SEMA5B: variants seen among roughly 807,000 people sequenced by gnomAD.
SEMA5B encodes the protein semaphorin 5B, also known as semaphorin-5B.
A neutral mutation model predicts 135.0 loss-of-function variants in SEMA5B; 66 were observed. The observed-to-expected ratio is 0.49, with a 90% CI of 0.40 to 0.60. The LOEUF is 0.60. Among genes scored for constraint, SEMA5B ranks in the 20% least tolerant of loss-of-function variants. The probability of loss-of-function intolerance (pLI) is 0.00; values close to 1 mark genes in which losing one functional copy is unlikely to be tolerated. For synonymous variants in SEMA5B, 690 were observed against 639.5 expected (o/e 1.08, Z -1.19); for missense variants, 1,501 against 1,566.3 (o/e 0.96, Z 0.70).
intron 1 of SEMA5B, among the ~76,000 whole-genome samples, chr3:122,963,928 T>C (rs1940702439): frequency 6.6e-6 from 1 of 152,144 alleles, no homozygotes; most frequent in Admixed American, 6.5e-5. Context: ...TCTCTCACTG[T>C]AGCCAATACT....
intron 1 of SEMA5B, among the ~76,000 whole-genome samples, chr3:123,009,567 G>A (rs953219177): frequency 6.6e-6 from 1 of 152,126 alleles, no homozygotes; most frequent in Non-Finnish European, 1.5e-5. Flanking sequence ...GAGAAAAAAA[G>A]AGAAAGAAAA....
In SEMA5B at chr3:122,912,155, C is replaced by A; in HGVS notation, c.2896+17G>T. ...GCTCCATGTCGCTTCCCAGCCCTGG[C>A]GGGATGTGCCTCATACCTGGGCAGG... On this transcript the variant is annotated intron_variant, in intron 19 of 22. Coordinates refer to ENST00000357599, the MANE Select transcript of SEMA5B (RefSeq NM_001031702.4). The A allele has an allele frequency of 2.5e-6, 4 of 1,579,602 alleles. No individual in the cohort carries two copies. The highest frequency in any genetic ancestry group is 2.3e-5 in the East Asian group (1 of 44,280).
At chr3:122,936,153 AC>A (rs1939277094) in intron 5 of SEMA5B, among the ~76,000 whole-genome samples, 1 of 152,176 alleles carries the variant, frequency 6.6e-6, no homozygotes, top group African/African-American at 2.4e-5. Context: ...AATCTGGAAC[AC>A]AGAGTGCTTT....
At chr3:123,003,678 C>T (rs2107767050) in intron 1 of SEMA5B, among the ~76,000 whole-genome samples, 1 of 152,126 alleles carries the variant, frequency 6.6e-6, no homozygotes, top group East Asian at 1.9e-4. Context: ...ACTAAAAATA[C>T]AAAAAATTAG....
In SEMA5B at chr3:122,980,122, C is replaced by T. The variant is rs550577429; in HGVS notation, c.-38-18821G>A. On this transcript the variant is annotated intron_variant, in intron 1 of 22. Coordinates refer to ENST00000357599, the MANE Select transcript of SEMA5B (RefSeq NM_001031702.4). ...CCAATCTCTGACTCATGACACAAAA[C>T]CCCATCCCAGTCCCAGGATGATGTA... 7.9e-5 allele frequency among the ~76,000 whole-genome samples: 12 copies of T among 152,294 alleles called. No individual in the cohort carries two copies. In the South Asian group the frequency reaches 2.5e-3, roughly 32 times the overall value.
At chr3:122,986,909 C>G (rs763533037) in intron 1 of SEMA5B, among the ~76,000 whole-genome samples, 1 of 152,094 alleles carries the variant, frequency 6.6e-6, no homozygotes. Flanking sequence ...AGGGCCCGGC[C>G]GTGAGCTAGC....
At chr3:122,986,907 G>GC (rs886922421) in intron 1 of SEMA5B, among the ~76,000 whole-genome samples, 1 of 152,212 alleles carries the variant, frequency 6.6e-6, no homozygotes, top group African/African-American at 2.4e-5. Context: ...GGAGGGCCCG[G>GC]CCGTGAGCTA....
chr3:122,926,879 C>T (rs1938664214), intron 8 of SEMA5B, among the ~76,000 whole-genome samples: 1 of 152,188 alleles, frequency 6.6e-6, no homozygotes. Context: ...ACATGTGTTA[C>T]CGCCCACCTC....
chr3:122,954,075 G>A (rs550389990), intron 2 of SEMA5B, among the ~76,000 whole-genome samples: 1 of 152,352 alleles, frequency 6.6e-6, no homozygotes, highest in Non-Finnish European at 1.5e-5. Context: ...TTGTTTTTAT[G>A]AGACGGGATA....
intron 1 of SEMA5B, among the ~76,000 whole-genome samples, chr3:122,996,620 T>G (rs564588740): frequency 1.3e-5 from 2 of 152,372 alleles, no homozygotes; most frequent in South Asian, 4.1e-4. Flanking sequence ...TATTTTTCTC[T>G]TTTTGTCTTT....
At chr3:122,956,397 C>T (rs1178384316) in intron 2 of SEMA5B, among the ~76,000 whole-genome samples, 3 of 152,160 alleles carry the variant, frequency 2.0e-5, no homozygotes, top group Middle Eastern at 3.2e-3. Flanking sequence ...TTCTCCTGGG[C>T]TCATTTTCCC....
At chr3:123,020,222 C>T (rs766218107) in intron 1 of SEMA5B, among the ~76,000 whole-genome samples, 8 of 152,000 alleles carry the variant, frequency 5.3e-5, no homozygotes, top group Non-Finnish European at 1.0e-4. Context: ...TAAATTATGG[C>T]GCATCCGTAT....
Position 122,934,386 on chromosome 3 carries a change from T to C in SEMA5B, c.474+5039A>G, listed in dbSNP as rs114039253. On this transcript the variant is annotated intron_variant, in intron 5 of 22. Transcript: ENST00000357599. Reference sequence around the variant, plus strand: ...TGAAGTAATCTTGCCAGAATCTAAATTGAATGAAGTTTTTAGCTCTAACAA... The same window carrying C: ...TGAAGTAATCTTGCCAGAATCTAAACTGAATGAAGTTTTTAGCTCTAACAA... Among the ~76,000 whole-genome samples the C allele has an allele frequency of 3.9e-3, 596 of 152,248 alleles. 3 individuals carry two copies. The highest frequency in any genetic ancestry group is 0.014 in the African/African-American group (566 of 41,552).
chr3:123,017,201 T>A (rs887507217), intron 1 of SEMA5B, among the ~76,000 whole-genome samples: 7 of 152,088 alleles, frequency 4.6e-5, no homozygotes, highest in East Asian at 1.9e-4. Context: ...ATGCATTTTT[T>A]AAAAATATTT....
intron 1 of SEMA5B, among the ~76,000 whole-genome samples, chr3:123,008,709 C>T (rs113136369): frequency 1.3e-5 from 2 of 152,182 alleles, no homozygotes; most frequent in African/African-American, 4.8e-5. Context: ...CATAGACAAT[C>T]CAGGAGCCAG....
At chr3:122,989,393 G>A (rs1157833793) in intron 1 of SEMA5B, among the ~76,000 whole-genome samples, 1 of 152,206 alleles carries the variant, frequency 6.6e-6, no homozygotes, top group Non-Finnish European at 1.5e-5. Context: ...AGGCTGCAGA[G>A]GCAGTGTCCT....
At chr3:122,959,746 T>A (rs892835569) in intron 2 of SEMA5B, among the ~76,000 whole-genome samples, 1 of 152,148 alleles carries the variant, frequency 6.6e-6, no homozygotes, top group Non-Finnish European at 1.5e-5. Context: ...AGAGTAGTAG[T>A]GTGGCTTAAA....
At chr3:122,920,138 C>T (rs1179305238) in intron 12 of SEMA5B, among the ~76,000 whole-genome samples, 1 of 152,248 alleles carries the variant, frequency 6.6e-6, no homozygotes, top group Non-Finnish European at 1.5e-5. Context: ...CACTCCACTG[C>T]TCTAGGACCA....
At chr3:122,950,533 T>C (rs1270993100) in intron 2 of SEMA5B, among the ~76,000 whole-genome samples, 1 of 152,246 alleles carries the variant, frequency 6.6e-6, no homozygotes, top group East Asian at 1.9e-4. Context: ...AGTCAGTGTT[T>C]AAAAATCTTT....
Sources: allele counts gnomAD v4.1 joint callset (sites outside exome capture counted in the v4.1 genomes callset), GRCh38; gene constraint gnomAD v4.1.1; transcripts MANE v1.5; gene names NCBI Gene and HGNC (gene_info 2026-07-23, HGNC 2026-07-21).